CELF4: variants seen among roughly 807,000 people sequenced by gnomAD.
CELF4 encodes CUG-BP- and ETR-3-like factor 4.
Under a neutral mutation model 59.9 loss-of-function variants are expected in CELF4, and 18 were observed. That is an observed-to-expected ratio of 0.30 (90% CI 0.21 to 0.45). CELF4 has a LOEUF of 0.45. Among genes scored for constraint, CELF4 ranks in the 20% least tolerant of loss-of-function variants. The pLI is 1.00. For synonymous variants in CELF4, 261 were observed against 267.1 expected (o/e 0.98, Z 0.22); for missense variants, 456 against 689.0 (o/e 0.66, Z 3.79).
At chr18:37,524,862 G>A (rs961492938) in intron 1 of CELF4, among the ~76,000 whole-genome samples, 3 of 152,244 alleles carry the variant, frequency 2.0e-5, no homozygotes, top group Non-Finnish European at 4.4e-5. Context: ...AGGAGAATGG[G>A]GCGCAGCCGG....
intron 2 of CELF4, among the ~76,000 whole-genome samples, chr18:37,400,595 G>A (rs2099314688): frequency 6.6e-6 from 1 of 152,204 alleles, no homozygotes; most frequent in Admixed American, 6.5e-5. Flanking sequence ...ATATATTGGA[G>A]CACTTAAAAT....
intron 2 of CELF4, among the ~76,000 whole-genome samples, chr18:37,415,875 A>G (rs2154592909): frequency 6.6e-6 from 1 of 152,332 alleles, no homozygotes; most frequent in East Asian, 1.9e-4. Flanking sequence ...CACCACGACT[A>G]CTGCAATATT....
Position 37,270,903 on chromosome 18 carries a change from G to A in CELF4, c.964C>T (p.Pro322Ser), listed in dbSNP as rs904704995. ...GGCACGGCTGGTGCAGTGATGCCCG[G>A]AGGGGTGCTGCCACCTGGTTCCAGG... is the stretch of plus-strand genomic sequence containing the variant. ...MTPTSGGSTP[P>S]GITAPAVPSI... Residue 322 changes from proline to serine, a missense_variant, in exon 8 of 13, where the codon CCG (proline) becomes TCG (serine). Pro to Ser is a moderately conservative substitution (Grantham distance 74). This residue lies in a region of CELF4 where 256 missense variants were observed against 340.8 expected (regional missense o/e 0.75). Coordinates refer to ENST00000420428, the MANE Select transcript of CELF4 (RefSeq NM_020180.4). 4 of 1,609,034 alleles carry A rather than the reference G, an allele frequency of 2.5e-6. No homozygotes were observed. Among genetic ancestry groups the A allele is most frequent in the African/African-American group, 1.3e-5 (1 of 74,874 alleles).
At chr18:37,352,642 G>A (rs2098465826) in intron 2 of CELF4, among the ~76,000 whole-genome samples, 1 of 152,002 alleles carries the variant, frequency 6.6e-6, no homozygotes, top group South Asian at 2.1e-4. Flanking sequence ...ATCTGCTTTG[G>A]ATTCCAGGCA....
At chr18:37,483,789 T>G (rs41356048) in intron 2 of CELF4, among the ~76,000 whole-genome samples, 45 of 152,216 alleles carry the variant, frequency 3.0e-4, no homozygotes, top group Non-Finnish European at 5.1e-4. Context: ...TATTGATTGC[T>G]TCTGAGAAAC....
intron 3 of CELF4, among the ~76,000 whole-genome samples, chr18:37,297,948 G>C (rs1359755712): frequency 6.6e-6 from 1 of 152,242 alleles, no homozygotes; most frequent in East Asian, 1.9e-4. Context: ...AGACTGTTGG[G>C]TGTTTGGGAA....
At chr18:37,484,597 A>G (rs2099876980) in intron 2 of CELF4, among the ~76,000 whole-genome samples, 1 of 152,224 alleles carries the variant, frequency 6.6e-6, no homozygotes, top group African/African-American at 2.4e-5. Context: ...GTAAAGAAAG[A>G]TCTTCGATGC....
intron 2 of CELF4, 103 bp from the exon 3 acceptor site, chr18:37,321,984 C>T (rs1005610449): frequency 5.0e-6 from 4 of 792,414 alleles, no homozygotes; most frequent in Non-Finnish European, 7.9e-6. Flanking sequence ...ACAGACTGCA[C>T]CCACAGACAC....
At chr18:37,552,089 G>C (rs1225416749) in intron 1 of CELF4, among the ~76,000 whole-genome samples, 1 of 152,248 alleles carries the variant, frequency 6.6e-6, no homozygotes, top group Non-Finnish European at 1.5e-5. Flanking sequence ...ATCTGGCTTA[G>C]AGCCAGTGCC....
At chr18:37,357,329 G>C (rs2098608302) in intron 2 of CELF4, among the ~76,000 whole-genome samples, 1 of 151,946 alleles carries the variant, frequency 6.6e-6, no homozygotes, top group Non-Finnish European at 1.5e-5. Flanking sequence ...TAGAGCTCGG[G>C]CTGTGGCTTC....
rs370621050 is a variant in CELF4, at chr18:37,564,391, G to A, written c.286+965C>T. On this transcript the variant is annotated intron_variant, in intron 1 of 12. Coordinates refer to ENST00000420428, the MANE Select transcript of CELF4 (RefSeq NM_020180.4). ...TCTGCTTTAAAGATAATAAAACAAG[G>A]AGAAAACAGGCAGGCTGCGGACAAT... is the stretch of plus-strand genomic sequence containing the variant. Among the ~76,000 whole-genome samples, 23 of 152,162 alleles carry A rather than the reference G, an allele frequency of 1.5e-4. No individual in the cohort carries two copies. In the East Asian group the frequency reaches 3.5e-3, roughly 23 times the overall value.
intron 12 of CELF4, among the ~76,000 whole-genome samples, chr18:37,250,969 G>A (rs187276739): frequency 3.3e-5 from 5 of 152,286 alleles, no homozygotes; most frequent in African/African-American, 1.2e-4. Context: ...GGTGTCATAT[G>A]TACTCCCTCA....
chr18:37,527,559 C>A (rs1337446040), intron 1 of CELF4, among the ~76,000 whole-genome samples: 2 of 152,120 alleles, frequency 1.3e-5, no homozygotes, highest in African/African-American at 4.8e-5. Context: ...AGAGCTGATC[C>A]TCATTGAACC....
At chr18:37,427,039 G>GT (rs900387636) in intron 2 of CELF4, among the ~76,000 whole-genome samples, 12 of 24,360 alleles carry the variant, frequency 4.9e-4, no homozygotes, top group South Asian at 3.4e-3. Flanking sequence ...CAGGGACACG[G>GT]GGGGGGGGGA....
intron 1 of CELF4, among the ~76,000 whole-genome samples, chr18:37,502,108 G>C (rs1305572998): frequency 6.6e-6 from 1 of 152,148 alleles, no homozygotes; most frequent in Non-Finnish European, 1.5e-5. Flanking sequence ...CTTCGTCTGT[G>C]GGTCTAAATA....
chr18:37,490,789 G>A (rs771830018), intron 1 of CELF4, among the ~76,000 whole-genome samples: 13 of 152,140 alleles, frequency 8.5e-5, no homozygotes, highest in Admixed American at 2.0e-4. Context: ...CGGGACATGA[G>A]GTAGAGCCAC....
intron 3 of CELF4, 66 bp downstream of exon 3, chr18:37,321,737 T>G: frequency 1.7e-6 from 2 of 1,193,872 alleles, no homozygotes; most frequent in Non-Finnish European, 2.4e-6. Context: ...ATCGCCTTGC[T>G]GCGTCGGGAA....
At chr18:37,386,595 A>T (rs1352027189) in intron 2 of CELF4, among the ~76,000 whole-genome samples, 1 of 152,246 alleles carries the variant, frequency 6.6e-6, no homozygotes, top group African/African-American at 2.4e-5. Flanking sequence ...CCTTAGAAAA[A>T]GTCAAAATAG....
chr18:37,361,114 C>CA (rs1244141478), intron 2 of CELF4, among the ~76,000 whole-genome samples: 1 of 152,188 alleles, frequency 6.6e-6, no homozygotes, highest in African/African-American at 2.4e-5. Flanking sequence ...TTGTGAAGGC[C>CA]ATTCATACAG....
Sources: allele counts gnomAD v4.1 joint callset (sites outside exome capture counted in the v4.1 genomes callset), GRCh38; gene constraint gnomAD v4.1.1; regional missense constraint gnomAD v4.1.1; transcripts MANE v1.5; gene names NCBI Gene and HGNC (gene_info 2026-07-23, HGNC 2026-07-21).